Variants in SEMA6D observed in about 807,000 individuals in gnomAD.
SEMA6D encodes semaphorin 6D.
Under a neutral mutation model 106.6 loss-of-function variants are expected in SEMA6D, and 35 were observed. The ratio of observed to expected loss-of-function variants is 0.33; its 90% CI spans 0.25 to 0.44. The LOEUF (loss-of-function observed/expected upper bound fraction) is 0.44, where lower values mean the gene tolerates loss of function less well. SEMA6D is among the 20% of genes least tolerant of loss of function. The pLI is 1.00. For synonymous variants in SEMA6D, 499 were observed against 487.7 expected, an observed-to-expected ratio of 1.02 and a Z score of -0.31; for missense variants, 1,185 against 1,345.9, an observed-to-expected ratio of 0.88 and a Z score of 1.87.
intron 1 of SEMA6D, among the ~76,000 whole-genome samples, chr15:47,391,583 A>T (rs1007783662): frequency 2.0e-5 from 3 of 152,122 alleles, no homozygotes; most frequent in Admixed American, 6.5e-5. Context: ...GACTGGAATG[A>T]CCTATCAACA....
At chr15:47,460,865 G>A (rs1251818064) in intron 2 of SEMA6D, among the ~76,000 whole-genome samples, 3 of 151,992 alleles carry the variant, frequency 2.0e-5, no homozygotes, top group African/African-American at 7.2e-5. Context: ...TTAATGACCC[G>A]GAAATTAACT....
At chr15:47,322,044 A>G (rs1271342571) in intron 1 of SEMA6D, among the ~76,000 whole-genome samples, 1 of 152,168 alleles carries the variant, frequency 6.6e-6, no homozygotes, top group East Asian at 1.9e-4. Flanking sequence ...GAAGACTTGA[A>G]AGCTCCTTTG....
At chr15:47,289,393 CA>C (rs746946975) in intron 1 of SEMA6D, among the ~76,000 whole-genome samples, 1,560 of 46,602 alleles carry the variant, frequency 0.033, 8 homozygotes, top group African/African-American at 0.089. Context: ...AACTCCATCT[CA>C]AAAAAAAAAA....
intron 4 of SEMA6D, among the ~76,000 whole-genome samples, chr15:47,707,710 TCATGTAGATTTTGGTATTTTTC>T (rs2078939585): frequency 6.6e-6 from 1 of 152,218 alleles, no homozygotes; most frequent in South Asian, 2.1e-4. Flanking sequence ...TGTATGTGGC[TCATGTAGATTTTGGTATTTTTC>T]TGGAAAATAT....
chr15:47,507,641 C>A (rs1268338710), intron 3 of SEMA6D, among the ~76,000 whole-genome samples: 1 of 152,210 alleles, frequency 6.6e-6, no homozygotes, highest in Non-Finnish European at 1.5e-5. Context: ...CCAATTGTTT[C>A]ATGCCAAGGC....
chr15:47,431,362 CTG>C (rs2041517173), intron 2 of SEMA6D, among the ~76,000 whole-genome samples: 1 of 152,100 alleles, frequency 6.6e-6, no homozygotes, highest in Non-Finnish European at 1.5e-5. Flanking sequence ...GAGCATAACA[CTG>C]TAGTTTAAAC....
chr15:47,321,078 G>T (rs143551341), intron 1 of SEMA6D, among the ~76,000 whole-genome samples: 8 of 152,174 alleles, frequency 5.3e-5, no homozygotes, highest in African/African-American at 1.9e-4. Flanking sequence ...CTTCATAACA[G>T]GGCTCTATCT....
intron 1 of SEMA6D, among the ~76,000 whole-genome samples, chr15:47,268,729 T>G (rs1267701038): frequency 6.6e-6 from 1 of 152,168 alleles, no homozygotes; most frequent in African/African-American, 2.4e-5. Context: ...TAGTGAACAA[T>G]TCTTAGGATT....
At chr15:47,577,221 G>C (rs2076171132) in intron 3 of SEMA6D, among the ~76,000 whole-genome samples, 1 of 152,164 alleles carries the variant, frequency 6.6e-6, no homozygotes, top group African/African-American at 2.4e-5. Flanking sequence ...CTTTTCCCCT[G>C]ATATTTTGAC....
intron 1 of SEMA6D, among the ~76,000 whole-genome samples, chr15:47,222,756 C>T (rs936130519): frequency 3.3e-5 from 5 of 152,218 alleles, no homozygotes; most frequent in Admixed American, 6.5e-5. Flanking sequence ...TGGAGATGAC[C>T]GCAATTGTGC....
At chr15:47,450,839 A>G (rs2140923781) in intron 2 of SEMA6D, among the ~76,000 whole-genome samples, 1 of 152,082 alleles carries the variant, frequency 6.6e-6, no homozygotes, top group Middle Eastern at 3.4e-3. Context: ...CTGGGGAAAA[A>G]CAGGACCAAG....
At chr15:47,490,810 A>AT (rs1198766192) in intron 3 of SEMA6D, among the ~76,000 whole-genome samples, 1 of 152,208 alleles carries the variant, frequency 6.6e-6, no homozygotes, top group East Asian at 1.9e-4. Flanking sequence ...CTCCATAGCC[A>AT]TTTTAGAAAA....
intron 2 of SEMA6D, among the ~76,000 whole-genome samples, chr15:47,463,329 A>G (rs1010272459): frequency 6.6e-6 from 1 of 152,114 alleles, no homozygotes; most frequent in Non-Finnish European, 1.5e-5. Context: ...TCACAATTCA[A>G]AACTTTCTTC....
chr15:47,367,678 A>ACG lies in SEMA6D; in HGVS notation c.-238-44701_-238-44700dup, dbSNP rs144860630. ...CCTTCCCCTAAACACGCACGCTCAC[A>ACG]CGCGCGCGCGCGCGCACACACACAC... On this transcript the variant is annotated intron_variant, in intron 1 of 19. Coordinates refer to the SEMA6D transcript ENST00000558014. Among the ~76,000 whole-genome samples, 827 of 137,546 alleles carry ACG rather than the reference A, an allele frequency of 6.0e-3. 14 individuals are homozygous for ACG. Among genetic ancestry groups the ACG allele is most frequent in the African/African-American group, 0.023 (747 of 31,960 alleles). 90.2% of individuals were successfully genotyped at this position (137,546 alleles called of 152,430 possible). A position where few individuals can be genotyped will look rare whatever the true frequency, so the allele number is the denominator to read the frequency against.
At chr15:47,540,050 G>A (rs962349419) in intron 3 of SEMA6D, among the ~76,000 whole-genome samples, 2 of 151,904 alleles carry the variant, frequency 1.3e-5, no homozygotes, top group East Asian at 3.9e-4. Context: ...TTAGCTGTGT[G>A]TGTGTGTGTG....
At chr15:47,541,215 G>C (rs762087188) in intron 3 of SEMA6D, among the ~76,000 whole-genome samples, 10 of 152,148 alleles carry the variant, frequency 6.6e-5, no homozygotes, top group Non-Finnish European at 1.3e-4. Flanking sequence ...GGTTGAAAAT[G>C]CTGTTAGGAA....
At chr15:47,582,514 G>C (rs58582321) in intron 3 of SEMA6D, among the ~76,000 whole-genome samples, 1 of 152,204 alleles carries the variant, frequency 6.6e-6, no homozygotes, top group Non-Finnish European at 1.5e-5. Context: ...AAAAGAGGCA[G>C]CTGCCTATAG....
chr15:47,673,510 C>T (rs898731104), intron 4 of SEMA6D, among the ~76,000 whole-genome samples: 11 of 152,150 alleles, frequency 7.2e-5, no homozygotes, highest in African/African-American at 1.9e-4. Context: ...ACAGAATGAC[C>T]GGGCAGGTCC....
At chr15:47,305,943 CAATA>C (rs1298150263) in intron 1 of SEMA6D, among the ~76,000 whole-genome samples, 1 of 152,134 alleles carries the variant, frequency 6.6e-6, no homozygotes, top group African/African-American at 2.4e-5. Flanking sequence ...CTTTGTATCA[CAATA>C]AATAATAAGA....
Sources: allele counts gnomAD v4.1 joint callset (sites outside exome capture counted in the v4.1 genomes callset), GRCh38; gene constraint gnomAD v4.1.1; transcripts MANE v1.5; gene names NCBI Gene and HGNC (gene_info 2026-07-23, HGNC 2026-07-21).